Variants in CDH12 observed in about 807,000 individuals in gnomAD.
CDH12 encodes the protein cadherin 12.
Under a neutral mutation model 74.1 loss-of-function variants are expected in CDH12, and 41 were observed. The ratio of observed to expected loss-of-function variants is 0.55; its 90% confidence interval spans 0.43 to 0.72. The LOEUF (loss-of-function observed/expected upper bound fraction) is 0.72. Among genes scored for constraint, CDH12 ranks in the 30% least tolerant of loss-of-function variants. The probability of loss-of-function intolerance (pLI) is 0.00; values close to 1 mark genes in which losing one functional copy is unlikely to be tolerated. For missense variants in CDH12, 945 were observed against 977.2 expected (o/e 0.97, Z 0.44); for synonymous variants, 399 against 355.0 (o/e 1.12, Z -1.39).
chr5:21,764,651 GAAAAAAA>G (rs369895363), intron 12 of CDH12, among the ~76,000 whole-genome samples: 37 of 110,074 alleles, frequency 3.4e-4, no homozygotes, highest in Middle Eastern at 5.2e-3. Flanking sequence ...TTCATATCAA[GAAAAAAA>G]AAAAAAAAAA....
chr5:22,800,048 G>GTC (rs1379916200), intron 1 of CDH12, among the ~76,000 whole-genome samples: 1 of 152,140 alleles, frequency 6.6e-6, no homozygotes, highest in African/African-American at 2.4e-5. Flanking sequence ...TAGGAAAGAG[G>GTC]TCTGGGGAAA....
chr5:22,513,532 A>G (rs1736693146), intron 1 of CDH12, among the ~76,000 whole-genome samples: 1 of 152,226 alleles, frequency 6.6e-6, no homozygotes, highest in East Asian at 1.9e-4. Flanking sequence ...CTACGTATCA[A>G]AGAAGGTTAT....
chr5:22,818,969 C>T (rs1749531215), intron 1 of CDH12, among the ~76,000 whole-genome samples: 1 of 151,994 alleles, frequency 6.6e-6, no homozygotes, highest in South Asian at 2.1e-4. Flanking sequence ...AGTTTGGTTT[C>T]AAGGTAATTG....
intron 5 of CDH12, 40 bp from the exon 6 acceptor site, chr5:21,975,425 A>C: frequency 6.9e-7 from 1 of 1,441,052 alleles, no homozygotes; most frequent in Non-Finnish European, 9.3e-7. Flanking sequence ...AGAGAAAGAG[A>C]AGGACAAAGA....
intron 6 of CDH12, among the ~76,000 whole-genome samples, chr5:21,871,246 C>A (rs557619602): frequency 8.5e-5 from 13 of 152,248 alleles, no homozygotes; most frequent in African/African-American, 3.1e-4. Context: ...GGCCTAACTT[C>A]TGAATTCCAG....
At chr5:22,351,475 A>G (rs1196975443) in intron 3 of CDH12, among the ~76,000 whole-genome samples, 1 of 152,204 alleles carries the variant, frequency 6.6e-6, no homozygotes, top group Non-Finnish European at 1.5e-5. Context: ...CCCATTAATT[A>G]TTATTTGGGG....
chr5:21,762,601 C>T (rs1744786698), intron 12 of CDH12, among the ~76,000 whole-genome samples: 1 of 151,914 alleles, frequency 6.6e-6, no homozygotes. Context: ...AAGTGTGGCT[C>T]AATTGGACAC....
chr5:22,086,512 T>C (rs1743077096), intron 4 of CDH12, among the ~76,000 whole-genome samples: 1 of 151,620 alleles, frequency 6.6e-6, no homozygotes, highest in African/African-American at 2.4e-5. Flanking sequence ...TCCCACTAAT[T>C]TGTTTTTTGT....
At chr5:22,463,521 T>C (rs531579039) in intron 2 of CDH12, among the ~76,000 whole-genome samples, 113 of 152,220 alleles carry the variant, frequency 7.4e-4, no homozygotes, top group African/African-American at 2.6e-3. Flanking sequence ...CTAGCCAAAT[T>C]CCTCATGAAT....
chr5:22,669,436 A>C (rs1007986441), intron 1 of CDH12, among the ~76,000 whole-genome samples: 1 of 152,184 alleles, frequency 6.6e-6, no homozygotes, highest in African/African-American at 2.4e-5. Flanking sequence ...TTGCCCATCC[A>C]ATACATATTC....
intron 5 of CDH12, among the ~76,000 whole-genome samples, chr5:22,005,596 TG>T (rs1480427356): frequency 6.6e-6 from 1 of 151,218 alleles, no homozygotes; most frequent in Non-Finnish European, 1.5e-5. Flanking sequence ...AAAAACCCAC[TG>T]GCCATTTTCT....
At chr5:22,349,349 A>T (rs1561334057) in intron 3 of CDH12, among the ~76,000 whole-genome samples, 1 of 152,218 alleles carries the variant, frequency 6.6e-6, no homozygotes, top group Non-Finnish European at 1.5e-5. Flanking sequence ...CATGATAATG[A>T]TACAAAGCAG....
chr5:22,657,666 A>G (rs953915013), intron 1 of CDH12, among the ~76,000 whole-genome samples: 2 of 152,192 alleles, frequency 1.3e-5, no homozygotes, highest in African/African-American at 4.8e-5. Flanking sequence ...CTAACAAATG[A>G]ATTATAATTC....
chr5:22,714,499 T>C (rs1383907936), intron 1 of CDH12, among the ~76,000 whole-genome samples: 1 of 152,186 alleles, frequency 6.6e-6, no homozygotes, highest in African/African-American at 2.4e-5. Context: ...TGCTCTGCTA[T>C]CTGATGGCAG....
chr5:22,006,992 TA>T (rs764424249), intron 5 of CDH12, among the ~76,000 whole-genome samples: 80 of 152,226 alleles, frequency 5.3e-4, no homozygotes, highest in Admixed American at 2.3e-3. Flanking sequence ...AGGCCAATAT[TA>T]AAGAGAATGA....
intron 2 of CDH12, among the ~76,000 whole-genome samples, chr5:22,431,637 C>T (rs1211114134): frequency 6.6e-6 from 1 of 152,184 alleles, no homozygotes; most frequent in South Asian, 2.1e-4. Flanking sequence ...GAGATGACAA[C>T]TCAATGCATG....
chr5:21,813,790 CTT>C, intron 9 of CDH12, among the ~76,000 whole-genome samples: 1 of 152,128 alleles, frequency 6.6e-6, no homozygotes, highest in Non-Finnish European at 1.5e-5. Context: ...ATACAGAAGT[CTT>C]TTTTTATTTT....
intron 1 of CDH12, among the ~76,000 whole-genome samples, chr5:22,843,005 C>A (rs1424566012): frequency 6.6e-6 from 1 of 152,006 alleles, no homozygotes; most frequent in African/African-American, 2.4e-5. Context: ...TTTGGCTTTA[C>A]TTTTTCAAAT....
chr5:22,765,951 T>C (rs1746488958), intron 1 of CDH12, among the ~76,000 whole-genome samples: 1 of 151,726 alleles, frequency 6.6e-6, no homozygotes, highest in African/African-American at 2.4e-5. Flanking sequence ...GTTAATGAAG[T>C]TGAAAAATGT....
Sources: gnomAD v4.1 joint callset for allele counts (sites outside exome capture counted in the v4.1 genomes callset) on GRCh38, gnomAD v4.1.1 for gene constraint, MANE v1.5 for transcripts, NCBI Gene and HGNC (gene_info 2026-07-23, HGNC 2026-07-21) for gene names.